Variants in CDK8 observed in about 807,000 individuals in gnomAD.
The protein encoded by CDK8 is cyclin dependent kinase 8.
In CDK8, 29 loss-of-function variants were observed where a neutral mutation model predicts 71.5. The ratio of observed to expected loss-of-function variants is 0.41; its 90% CI spans 0.30 to 0.55. The LOEUF is 0.55. Among genes scored for constraint, CDK8 ranks in the 20% least tolerant of loss-of-function variants. CDK8 has a pLI of 0.37. For missense variants in CDK8, 288 were observed against 572.6 expected (o/e 0.50, Z 5.07); for synonymous variants, 161 against 192.1 (o/e 0.84, Z 1.34).
intron 1 of CDK8, among the ~76,000 whole-genome samples, chr13:26,306,870 C>G (rs1442502859): frequency 6.6e-6 from 1 of 152,110 alleles, no homozygotes; most frequent in African/African-American, 2.4e-5. Context: ...CTCAAGTGAT[C>G]TGCCTGCCTC....
At chr13:26,258,302 G>A (rs1417151890) in intron 1 of CDK8, among the ~76,000 whole-genome samples, 1 of 152,058 alleles carries the variant, frequency 6.6e-6, no homozygotes, top group African/African-American at 2.4e-5. Flanking sequence ...TAGTTATGGA[G>A]TTTGATTTCT....
chr13:26,270,281 C>G (rs1016844013), intron 1 of CDK8, among the ~76,000 whole-genome samples: 1 of 151,314 alleles, frequency 6.6e-6, no homozygotes, highest in East Asian at 1.9e-4. Context: ...CCTAGCTACT[C>G]AAGAGGCTGA....
intron 6 of CDK8, among the ~76,000 whole-genome samples, chr13:26,389,603 G>A (rs1463731356): frequency 6.6e-6 from 1 of 152,160 alleles, no homozygotes; most frequent in African/African-American, 2.4e-5. Flanking sequence ...CCGTCGTCTG[G>A]TGTACACCTG....
chr13:26,288,549 T>G (rs1873135356), intron 1 of CDK8, among the ~76,000 whole-genome samples: 2 of 151,916 alleles, frequency 1.3e-5, no homozygotes, highest in Non-Finnish European at 2.9e-5. Context: ...ATTTCTTATT[T>G]TTTTTTTTAG....
In CDK8 at chr13:26,321,553, C is replaced by A. The variant is rs545080316; in HGVS notation, c.129-16014C>A. 1.3e-3 allele frequency among the ~76,000 whole-genome samples: 191 copies of A among 151,804 alleles called. 1 individual carries two copies. The highest frequency in any genetic ancestry group is 4.4e-3 in the African/African-American group (184 of 41,406). ...AAATTTTATGTTAATCATATTTTACCACAATTAAAAAATGGAAAAAAAGTG... is the reference window on the plus strand; with the variant it reads ...AAATTTTATGTTAATCATATTTTACAACAATTAAAAAATGGAAAAAAAGTG... On this transcript the variant is annotated intron_variant, in intron 1 of 12. Coordinates refer to ENST00000381527, the MANE Select transcript of CDK8 (RefSeq NM_001260.3).
intron 1 of CDK8, among the ~76,000 whole-genome samples, chr13:26,331,526 AT>A: frequency 6.6e-6 from 1 of 152,260 alleles, no homozygotes; most frequent in South Asian, 2.1e-4. Context: ...GATCTTCTGC[AT>A]GTGGCTATCT....
In CDK8 at chr13:26,254,608, C is replaced by CCCCCCCCCCA; in HGVS notation, c.-33_-32insCCCCCCCCAC. The CCCCCCCCCCA allele has an allele frequency of 6.5e-7, 1 of 1,548,994 alleles. No individual in the cohort carries two copies. Among genetic ancestry groups the CCCCCCCCCCA allele is most frequent in the Non-Finnish European group, 8.7e-7 (1 of 1,144,350 alleles). On this transcript the variant is annotated 5_prime_UTR_variant, in exon 1 of 13. Coordinates refer to ENST00000381527, the MANE Select transcript of CDK8 (RefSeq NM_001260.3). The surrounding 1 kb of genome is among the most constrained non-coding windows in gnomAD (Gnocchi z 6.7). The stretch of plus-strand genomic sequence containing the variant: ...GTCCCCACCCCTGCCCCCCGGCCCC[C>CCCCCCCCCCA]CGACCCAGCTCTCCGGCCTCAGAGG...
In CDK8 at chr13:26,364,537, T is replaced by C. The variant is rs576108696; in HGVS notation, c.456+10657T>C. 2.0e-5 allele frequency among the ~76,000 whole-genome samples: 3 copies of C among 152,272 alleles called. No homozygotes were observed. In the East Asian group the frequency reaches 5.8e-4, roughly 29 times the overall value. On this transcript the variant is annotated intron_variant, in intron 4 of 12. Coordinates refer to ENST00000381527, the MANE Select transcript of CDK8 (RefSeq NM_001260.3). ...CGGTTAGGAGGGATTATATAATCAG[T>C]AGAATTTAAGGAAAGTTTCAGTTTC...
At chr13:26,387,850 C>G (rs138008038) in intron 6 of CDK8, among the ~76,000 whole-genome samples, 1 of 152,142 alleles carries the variant, frequency 6.6e-6, no homozygotes, top group Non-Finnish European at 1.5e-5. Context: ...ACCCTACCTC[C>G]GCCTTCACAC....
chr13:26,324,391 G>T (rs139582272), intron 1 of CDK8, among the ~76,000 whole-genome samples: 1 of 152,104 alleles, frequency 6.6e-6, no homozygotes, highest in Non-Finnish European at 1.5e-5. Flanking sequence ...AGATAGAAAT[G>T]TTAGAAAGTC....
intron 5 of CDK8, among the ~76,000 whole-genome samples, chr13:26,383,200 C>T (rs1426676885): frequency 2.0e-5 from 3 of 152,140 alleles, no homozygotes; most frequent in Non-Finnish European, 4.4e-5. Context: ...ATACATACAG[C>T]ATGCTAATAA....
chr13:26,263,949 G>T (rs1324229983), intron 1 of CDK8, among the ~76,000 whole-genome samples: 1 of 149,016 alleles, frequency 6.7e-6, no homozygotes. Flanking sequence ...GGGTTTCATC[G>T]TGTTAGCCAG....
chr13:26,329,804 G>A (rs926285884), intron 1 of CDK8, among the ~76,000 whole-genome samples: 4 of 151,932 alleles, frequency 2.6e-5, no homozygotes, highest in African/African-American at 9.7e-5. Context: ...GCACCCGGCC[G>A]CCTATTTCTA....
At chr13:26,392,331 T>A (rs1392638250) in intron 6 of CDK8, among the ~76,000 whole-genome samples, 1 of 146,200 alleles carries the variant, frequency 6.8e-6, no homozygotes, top group Non-Finnish European at 1.5e-5. Context: ...ACCCTTTTTT[T>A]TTTTTTTTTT....
intron 4 of CDK8, among the ~76,000 whole-genome samples, chr13:26,370,859 C>T (rs1392573033): frequency 6.6e-6 from 1 of 152,134 alleles, no homozygotes; most frequent in African/African-American, 2.4e-5. Context: ...GATCTAACTT[C>T]GTGAGGTAGG....
chr13:26,381,482 G>A (rs1875224538), intron 4 of CDK8, among the ~76,000 whole-genome samples: 1 of 152,110 alleles, frequency 6.6e-6, no homozygotes, highest in South Asian at 2.1e-4. Context: ...GAGGTTCTGA[G>A]ATTTTTTTGT....
chr13:26,391,383 A>G (rs529265914), intron 6 of CDK8, among the ~76,000 whole-genome samples: 2 of 152,328 alleles, frequency 1.3e-5, no homozygotes, highest in African/African-American at 4.8e-5. Flanking sequence ...CTGGGACTAC[A>G]GGCATATGCC....
At chr13:26,329,872 G>C (rs1875227527) in intron 1 of CDK8, among the ~76,000 whole-genome samples, 1 of 152,142 alleles carries the variant, frequency 6.6e-6, no homozygotes, top group South Asian at 2.1e-4. Context: ...GGTATGTTTA[G>C]TGATATTAAA....
chr13:26,273,621 G>A (rs988420925), intron 1 of CDK8, among the ~76,000 whole-genome samples: 15 of 150,702 alleles, frequency 1.0e-4, no homozygotes, highest in African/African-American at 3.6e-4. Flanking sequence ...ACTAACTATT[G>A]TAAAACATTA....
Sources: allele counts gnomAD v4.1 joint callset (sites outside exome capture counted in the v4.1 genomes callset), GRCh38; gene constraint gnomAD v4.1.1; non-coding constraint Gnocchi (gnomAD v3.1); transcripts MANE v1.5; gene names NCBI Gene and HGNC (gene_info 2026-07-23, HGNC 2026-07-21).